Variants in GRIP1 observed in about 807,000 individuals in gnomAD.
The protein encoded by GRIP1 is glutamate receptor-interacting protein 1.
A neutral mutation model predicts 129.9 loss-of-function variants in GRIP1; 45 were observed. The observed-to-expected ratio is 0.35, with a 90% confidence interval of 0.27 to 0.44. GRIP1 has a LOEUF of 0.44. GRIP1 is among the 20% of genes least tolerant of loss of function. The pLI is 1.00. For synonymous variants in GRIP1, 530 were observed against 520.8 expected (o/e 1.02, Z -0.24); for missense variants, 1,196 against 1,396.8 (o/e 0.86, Z 2.29).
At chr12:66,921,914 A>C (rs1566079404) in intron 1 of GRIP1, among the ~76,000 whole-genome samples, 2 of 152,232 alleles carry the variant, frequency 1.3e-5, no homozygotes, top group Non-Finnish European at 2.9e-5. Flanking sequence ...AAAAGTAGCT[A>C]CAGAGGCTAC....
intron 1 of GRIP1, among the ~76,000 whole-genome samples, chr12:66,970,406 GC>G (rs2042056002): frequency 6.6e-6 from 1 of 152,178 alleles, no homozygotes; most frequent in Non-Finnish European, 1.5e-5. Flanking sequence ...TCTGTTGAAA[GC>G]TAGACATGAT....
chr12:67,068,849 T>TC (rs1211244463), intron 1 of GRIP1, among the ~76,000 whole-genome samples: 6 of 2,110 alleles, frequency 2.8e-3, no homozygotes, highest in Admixed American at 9.3e-3. Flanking sequence ...TGCCCTCTCA[T>TC]CCCGCCCCCC....
intron 10 of GRIP1, 102 bp downstream of exon 10, chr12:66,456,085 A>C: frequency 1.5e-6 from 1 of 659,864 alleles, no homozygotes; most frequent in Admixed American, 2.5e-5. Context: ...TACTATAAGA[A>C]ACAGAAAAAA....
At chr12:66,579,687 C>T (rs1053895849) in intron 2 of GRIP1, among the ~76,000 whole-genome samples, 5 of 151,942 alleles carry the variant, frequency 3.3e-5, no homozygotes, top group South Asian at 2.1e-4. Flanking sequence ...TGAAATGAAG[C>T]AAGAAGGGAA....
chr12:67,029,578 CAAA>C lies in GRIP1; in HGVS notation c.58+39469_58+39471del, dbSNP rs10563216. On this transcript the variant is annotated intron_variant, in intron 1 of 1. Coordinates refer to the GRIP1 transcript ENST00000643019. ...TAGGCAACAGAGCAAGACCCTGACT[CAAA>C]AAAAAAAAAAAAAAAAAGCCAAATA... 9.5e-3 allele frequency among the ~76,000 whole-genome samples: 837 copies of C among 88,462 alleles called. 5 individuals are homozygous for C. The highest frequency in any genetic ancestry group is 0.028 in the African/African-American group (737 of 26,182). 58.0% of individuals were successfully genotyped at this position (88,462 alleles called of 152,430 possible).
At chr12:66,921,664 T>C (rs1203901952) in intron 1 of GRIP1, among the ~76,000 whole-genome samples, 2 of 152,208 alleles carry the variant, frequency 1.3e-5, no homozygotes, top group East Asian at 3.8e-4. Flanking sequence ...AAACATGAAC[T>C]AGCAAAGAGC....
chr12:67,052,526 G>A (rs1488696298), intron 1 of GRIP1, among the ~76,000 whole-genome samples: 4 of 152,128 alleles, frequency 2.6e-5, no homozygotes, highest in African/African-American at 7.2e-5. Context: ...TTGGGAGGCC[G>A]AGGCAGGTGG....
intron 11 of GRIP1, among the ~76,000 whole-genome samples, chr12:66,451,394 T>G (rs1022836374): frequency 1.5e-4 from 8 of 54,084 alleles, no homozygotes; most frequent in South Asian, 1.8e-3. Context: ...TTTTTTTTTT[T>G]TTTTTTTTTT....
chr12:66,629,706 T>C (rs1019409754), intron 1 of GRIP1, among the ~76,000 whole-genome samples: 2 of 152,246 alleles, frequency 1.3e-5, no homozygotes, highest in Non-Finnish European at 2.9e-5. Flanking sequence ...ACACTGGACC[T>C]ACTTTCATCC....
intron 19 of GRIP1, 126 bp from the exon 20 acceptor site, chr12:66,379,562 T>C: frequency 1.1e-6 from 1 of 950,846 alleles, no homozygotes; most frequent in Non-Finnish European, 1.7e-6. Context: ...GAACACATAG[T>C]GTGTGCTTAT....
chr12:66,381,040 C>T (rs1237231501), intron 19 of GRIP1, among the ~76,000 whole-genome samples: 1 of 152,098 alleles, frequency 6.6e-6, no homozygotes, highest in African/African-American at 2.4e-5. Flanking sequence ...TTGTCGAAGC[C>T]TCTAATGCCA....
chr12:66,444,059 G>C (rs1045674851), intron 13 of GRIP1, among the ~76,000 whole-genome samples: 1 of 152,180 alleles, frequency 6.6e-6, no homozygotes, highest in African/African-American at 2.4e-5. Flanking sequence ...CTCTATAGTT[G>C]TGGCTATTAT....
chr12:66,544,137 A>G (rs1479066471), intron 2 of GRIP1, among the ~76,000 whole-genome samples: 2 of 152,224 alleles, frequency 1.3e-5, no homozygotes, highest in African/African-American at 2.4e-5. Context: ...TAATTTCATC[A>G]TTATTAAAAT....
intron 1 of GRIP1, among the ~76,000 whole-genome samples, chr12:66,736,976 T>C (rs987295218): frequency 4.0e-5 from 6 of 151,568 alleles, no homozygotes; most frequent in Non-Finnish European, 5.9e-5. Flanking sequence ...TTCCCTGGGC[T>C]CTGCAGACTG....
At chr12:66,476,727 G>A (rs191827641) in intron 7 of GRIP1, among the ~76,000 whole-genome samples, 12 of 152,186 alleles carry the variant, frequency 7.9e-5, no homozygotes, top group Admixed American at 6.5e-4. Flanking sequence ...TTCAACATAC[G>A]CAAATCAATA....
At chr12:66,410,928 C>T (rs1200055775) in intron 15 of GRIP1, among the ~76,000 whole-genome samples, 1 of 152,202 alleles carries the variant, frequency 6.6e-6, no homozygotes, top group Non-Finnish European at 1.5e-5. Flanking sequence ...AAGACCACAG[C>T]ACAATCAAAT....
chr12:66,892,790 C>G (rs1051559078), intron 1 of GRIP1, among the ~76,000 whole-genome samples: 2 of 152,090 alleles, frequency 1.3e-5, no homozygotes, highest in Non-Finnish European at 2.9e-5. Context: ...GAGACCCCAT[C>G]TCTACAAAAA....
intron 15 of GRIP1, among the ~76,000 whole-genome samples, chr12:66,413,648 G>A (rs776320493): frequency 7.2e-5 from 11 of 151,924 alleles, no homozygotes; most frequent in Non-Finnish European, 1.5e-4. Context: ...ACAACAGCAA[G>A]TAAAAACTTC....
chr12:66,696,242 A>T (rs1221531003), intron 1 of GRIP1, among the ~76,000 whole-genome samples: 14 of 152,174 alleles, frequency 9.2e-5, no homozygotes, highest in Non-Finnish European at 2.1e-4. Flanking sequence ...CAGAAACACA[A>T]GTCAACCTAT....
Sources: gnomAD v4.1 joint callset for allele counts (sites outside exome capture counted in the v4.1 genomes callset) on GRCh38, gnomAD v4.1.1 for gene constraint, MANE v1.5 for transcripts, NCBI Gene and HGNC (gene_info 2026-07-23, HGNC 2026-07-21) for gene names.